Variants in TMEM50B observed in about 807,000 individuals in gnomAD.
The protein encoded by TMEM50B is transmembrane protein 50B.
TMEM50B carries 14 observed loss-of-function variants against 23.4 expected under a neutral mutation model. The ratio of observed to expected loss-of-function variants is 0.60; its 90% CI spans 0.39 to 0.93. TMEM50B has a LOEUF of 0.93. TMEM50B is among the 40% of genes least tolerant of loss of function. The pLI is 0.00. For synonymous variants in TMEM50B, 64 were observed against 62.3 expected (o/e 1.03, Z -0.13); for missense variants, 159 against 193.0 (o/e 0.82, Z 1.04).
chr21:33,475,297 T>A (rs1019284854), intron 1 of TMEM50B, among the ~76,000 whole-genome samples: 1 of 152,136 alleles, frequency 6.6e-6, no homozygotes, highest in Non-Finnish European at 1.5e-5. Context: ...AAATTATACA[T>A]GTTTTATATG....
At chr21:33,444,089 T>C (rs1257251138) in intron 7 of TMEM50B, among the ~76,000 whole-genome samples, 2 of 152,114 alleles carry the variant, frequency 1.3e-5, no homozygotes, top group Non-Finnish European at 1.5e-5. Context: ...TTAGTAGAGA[T>C]GGGATTTCAC....
intron 1 of TMEM50B, among the ~76,000 whole-genome samples, chr21:33,475,105 T>G (rs1293606357): frequency 6.6e-6 from 1 of 151,754 alleles, no homozygotes; most frequent in African/African-American, 2.4e-5. Flanking sequence ...TTTTATATTT[T>G]TGGTAGAGAC....
intron 4 of TMEM50B, chr21:33,465,140 G>A (rs980993461): frequency 8.4e-6 from 4 of 476,688 alleles, no homozygotes; most frequent in African/African-American, 4.0e-5. Context: ...CATGGGCAGT[G>A]TAACATGACA....
chr21:33,474,036 G>A (rs1331663219), intron 1 of TMEM50B, among the ~76,000 whole-genome samples: 1 of 148,666 alleles, frequency 6.7e-6, no homozygotes, highest in Non-Finnish European at 1.5e-5. Flanking sequence ...AAGATACAAA[G>A]TGACTGCAAA....
intron 1 of TMEM50B, among the ~76,000 whole-genome samples, chr21:33,473,994 G>T (rs977583410): frequency 6.6e-6 from 1 of 152,000 alleles, no homozygotes; most frequent in South Asian, 2.1e-4. Flanking sequence ...GACATAAAGC[G>T]GATTAGTGGC....
intron 2 of TMEM50B, chr21:33,468,554 A>G (rs2084285037): frequency 4.6e-6 from 2 of 438,762 alleles, no homozygotes; most frequent in Admixed American, 3.9e-5. Context: ...TAATAATTAT[A>G]TTATCACTGG....
intron 1 of TMEM50B, among the ~76,000 whole-genome samples, chr21:33,473,279 C>G (rs2084334577): frequency 6.6e-6 from 1 of 151,734 alleles, no homozygotes; most frequent in Non-Finnish European, 1.5e-5. Flanking sequence ...ATGGAGAAAC[C>G]CCATCTCTAA....
At chr21:33,461,291 C>A (rs2084214588) in intron 4 of TMEM50B, among the ~76,000 whole-genome samples, 1 of 152,110 alleles carries the variant, frequency 6.6e-6, no homozygotes, top group Non-Finnish European at 1.5e-5. Flanking sequence ...GGAAAAGATT[C>A]ATTTTAGACA....
intron 1 of TMEM50B, among the ~76,000 whole-genome samples, chr21:33,475,403 A>G (rs1194072560): frequency 6.6e-6 from 1 of 152,068 alleles, no homozygotes; most frequent in African/African-American, 2.4e-5. Context: ...GCTGGAGTGC[A>G]GTGGCACGAT....
chr21:33,467,234 T>A, intron 2 of TMEM50B, 112 bp from the exon 3 acceptor site: 1 of 886,918 alleles, frequency 1.1e-6, no homozygotes, highest in South Asian at 1.6e-5. Context: ...GTACAGAGGC[T>A]CACGCCTGTA....
chr21:33,466,734 C>T (rs896260486), intron 3 of TMEM50B, among the ~76,000 whole-genome samples: 2 of 151,712 alleles, frequency 1.3e-5, no homozygotes, highest in African/African-American at 4.8e-5. Flanking sequence ...AAAAGTAGAT[C>T]TTGCAACTGA....
At chr21:33,433,601 G>C (rs893111724) in intron 8 of TMEM50B, among the ~76,000 whole-genome samples, 1 of 152,086 alleles carries the variant, frequency 6.6e-6, no homozygotes, top group Non-Finnish European at 1.5e-5. Context: ...GGTTGCGGTG[G>C]TGGAGGGAGG....
At chr21:33,460,942 C>T (rs996031238) in intron 4 of TMEM50B, among the ~76,000 whole-genome samples, 2 of 152,180 alleles carry the variant, frequency 1.3e-5, no homozygotes, top group African/African-American at 2.4e-5. Context: ...GTACAAATAA[C>T]GGCCATTCTT....
At chr21:33,467,188 A>T in intron 2 of TMEM50B, 66 bp from the exon 3 acceptor site, 1 of 1,361,854 alleles carries the variant, frequency 7.3e-7, no homozygotes, top group Non-Finnish European at 1.0e-6. Context: ...GCTTTTTAAC[A>T]TTCCTTTTGT....
intron 4 of TMEM50B, among the ~76,000 whole-genome samples, chr21:33,461,681 T>C (rs1208324660): frequency 6.6e-6 from 1 of 151,946 alleles, no homozygotes; most frequent in Non-Finnish European, 1.5e-5. Flanking sequence ...GGCGGGTGCC[T>C]GTAGTCCCAG....
intron 3 of TMEM50B, among the ~76,000 whole-genome samples, chr21:33,466,573 G>GT (rs1164311363): frequency 6.6e-6 from 1 of 151,976 alleles, no homozygotes; most frequent in Non-Finnish European, 1.5e-5. Context: ...ATGCAGAAAC[G>GT]TAACATGTTT....
chr21:33,463,547 T>C (rs186421320), intron 4 of TMEM50B, among the ~76,000 whole-genome samples: 6 of 152,290 alleles, frequency 3.9e-5, no homozygotes, highest in East Asian at 3.9e-4. Context: ...TGTATCATGA[T>C]TGTAGTGGTA....
At chr21:33,455,901 TA>T (rs1437582729) in intron 5 of TMEM50B, 117 bp from the exon 6 acceptor site, 3 of 784,748 alleles carry the variant, frequency 3.8e-6, no homozygotes, top group Non-Finnish European at 6.8e-6. Context: ...TATTATTCAT[TA>T]ACTGTAAGAC....
intron 1 of TMEM50B, among the ~76,000 whole-genome samples, chr21:33,476,760 C>CA (rs10645412): frequency 0.59 from 40,371 of 68,266 alleles, 12,198 homozygotes; most frequent in East Asian, 0.82. Context: ...GACTCCATCT[C>CA]AAAAAAAAAA....
Sources: allele counts gnomAD v4.1 joint callset (sites outside exome capture counted in the v4.1 genomes callset), GRCh38; gene constraint gnomAD v4.1.1; transcripts MANE v1.5; gene names NCBI Gene and HGNC (gene_info 2026-07-23, HGNC 2026-07-21).